Variants in ALCAM observed in about 807,000 individuals in gnomAD.
The protein encoded by ALCAM is activated leukocyte cell adhesion molecule.
ALCAM carries 30 observed loss-of-function variants against 70.9 expected under a neutral mutation model. The observed-to-expected ratio is 0.42, with a 90% confidence interval of 0.32 to 0.57. ALCAM has a LOEUF of 0.57. Ranked by LOEUF, ALCAM falls within the 20% of genes least tolerant of loss-of-function variation. The pLI is 0.11. For synonymous variants in ALCAM, 249 were observed against 242.5 expected, an observed-to-expected ratio of 1.03 and a Z score of -0.25; for missense variants, 591 against 695.1, an observed-to-expected ratio of 0.85 and a Z score of 1.68.
At chr3:105,435,617 G>A (rs567049456) in intron 1 of ALCAM, among the ~76,000 whole-genome samples, 1 of 152,264 alleles carries the variant, frequency 6.6e-6, no homozygotes, top group South Asian at 2.1e-4. Context: ...AATTTATTGG[G>A]TCACATAAAA....
chr3:105,561,803 G>A (rs1940635995), intron 14 of ALCAM, among the ~76,000 whole-genome samples: 1 of 152,080 alleles, frequency 6.6e-6, no homozygotes, highest in African/African-American at 2.4e-5. Flanking sequence ...TCAGCCAAGG[G>A]AAAAACAAAT....
intron 1 of ALCAM, among the ~76,000 whole-genome samples, chr3:105,384,671 C>A (rs554859896): frequency 2.0e-5 from 3 of 151,666 alleles, no homozygotes; most frequent in Admixed American, 6.6e-5. Flanking sequence ...CACATTACCA[C>A]TGATAACTCT....
intron 1 of ALCAM, among the ~76,000 whole-genome samples, chr3:105,492,089 A>G (rs1349870600): frequency 6.6e-6 from 1 of 152,190 alleles, no homozygotes; most frequent in Non-Finnish European, 1.5e-5. Flanking sequence ...GGAACTTACA[A>G]TCATGGCAGA....
intron 1 of ALCAM, among the ~76,000 whole-genome samples, chr3:105,371,517 C>CTT (rs35522913): frequency 3.1e-4 from 44 of 142,566 alleles, no homozygotes; most frequent in Middle Eastern, 3.7e-3. Flanking sequence ...AAAGATGTTT[C>CTT]TTTTTTTTTT....
chr3:105,569,410 G>A (rs910309808), intron 14 of ALCAM, among the ~76,000 whole-genome samples: 2 of 152,092 alleles, frequency 1.3e-5, no homozygotes, highest in Non-Finnish European at 2.9e-5. Context: ...AGGATATATA[G>A]TTAGTAGCTA....
At chr3:105,564,330 A>G (rs1940698077) in intron 14 of ALCAM, among the ~76,000 whole-genome samples, 1 of 150,718 alleles carries the variant, frequency 6.6e-6, no homozygotes, top group South Asian at 2.1e-4. Context: ...TTTATCTTCT[A>G]AGTACTAAGC....
At chr3:105,473,453 A>G (rs977414595) in intron 1 of ALCAM, among the ~76,000 whole-genome samples, 1 of 151,554 alleles carries the variant, frequency 6.6e-6, no homozygotes, top group Non-Finnish European at 1.5e-5. Flanking sequence ...GATCCTTACA[A>G]ACTATAACTC....
At chr3:105,517,076 G>T (rs974800504) in intron 1 of ALCAM, among the ~76,000 whole-genome samples, 3 of 151,974 alleles carry the variant, frequency 2.0e-5, no homozygotes, top group African/African-American at 7.2e-5. Context: ...TCATCTCAAA[G>T]ATTAAGATAT....
At chr3:105,405,558 A>T (rs562671455) in intron 1 of ALCAM, among the ~76,000 whole-genome samples, 2 of 152,214 alleles carry the variant, frequency 1.3e-5, no homozygotes, top group Non-Finnish European at 2.9e-5. Context: ...AATGGACTTA[A>T]CAGATATTTA....
intron 1 of ALCAM, among the ~76,000 whole-genome samples, chr3:105,492,666 C>T (rs755365284): frequency 3.3e-5 from 5 of 151,978 alleles, no homozygotes; most frequent in Admixed American, 6.6e-5. Context: ...GGAAACTCCT[C>T]GAAGACAAAA....
At chr3:105,483,380 A>G (rs1350777715) in intron 1 of ALCAM, among the ~76,000 whole-genome samples, 1 of 152,022 alleles carries the variant, frequency 6.6e-6, no homozygotes, top group Non-Finnish European at 1.5e-5. Flanking sequence ...ATATTAGGAG[A>G]ACTTTGTGAT....
At chr3:105,371,973 CAT>C in intron 1 of ALCAM, among the ~76,000 whole-genome samples, 1 of 152,192 alleles carries the variant, frequency 6.6e-6, no homozygotes, top group East Asian at 1.9e-4. Flanking sequence ...ATGTATGTGA[CAT>C]ATGAAGAATG....
intron 1 of ALCAM, among the ~76,000 whole-genome samples, chr3:105,368,047 C>T (rs146379340): frequency 1.3e-5 from 2 of 151,820 alleles, no homozygotes; most frequent in South Asian, 2.1e-4. Flanking sequence ...AACGTTACCC[C>T]CTGCGGTCCC....
At chr3:105,456,588 G>A (rs975189833) in intron 1 of ALCAM, among the ~76,000 whole-genome samples, 4 of 151,958 alleles carry the variant, frequency 2.6e-5, no homozygotes, top group Admixed American at 6.5e-5. Context: ...CCTCTTTATC[G>A]TTTAACATGT....
intron 1 of ALCAM, among the ~76,000 whole-genome samples, chr3:105,383,121 G>A (rs536695786): frequency 9.2e-5 from 14 of 151,690 alleles, no homozygotes; most frequent in South Asian, 2.1e-4. Flanking sequence ...CCTGAATAAC[G>A]TGTATCCCTA....
chr3:105,389,371 GTTT>G (rs371987714), intron 1 of ALCAM, among the ~76,000 whole-genome samples: 2 of 58,188 alleles, frequency 3.4e-5, no homozygotes, highest in Non-Finnish European at 5.9e-5. Context: ...TATATACATA[GTTT>G]TTTTTTTTTT....
At chr3:105,568,131 C>T (rs1386727549) in intron 14 of ALCAM, among the ~76,000 whole-genome samples, 23 of 146,448 alleles carry the variant, frequency 1.6e-4, no homozygotes, top group African/African-American at 4.5e-4. Context: ...TACAATATCT[C>T]GGCTCACTGC....
At chr3:105,555,315 A>G (rs893818603) in intron 14 of ALCAM, among the ~76,000 whole-genome samples, 5 of 152,050 alleles carry the variant, frequency 3.3e-5, no homozygotes, top group Admixed American at 6.6e-5. Context: ...ATAAATTGCA[A>G]TTCTCATCTG....
chr3:105,517,894 C>T (rs989799901), intron 1 of ALCAM, among the ~76,000 whole-genome samples: 1 of 152,098 alleles, frequency 6.6e-6, no homozygotes, highest in Admixed American at 6.6e-5. Flanking sequence ...CCATTAGATG[C>T]TAGGCGTTGT....
Sources: gnomAD v4.1 joint callset for allele counts (sites outside exome capture counted in the v4.1 genomes callset) on GRCh38, gnomAD v4.1.1 for gene constraint, MANE v1.5 for transcripts, NCBI Gene and HGNC (gene_info 2026-07-23, HGNC 2026-07-21) for gene names.